Variants in C22orf31 observed in about 807,000 individuals in gnomAD.
The protein encoded by C22orf31 is chromosome 22 open reading frame 31.
A neutral mutation model predicts 15.0 loss-of-function variants in C22orf31; 11 were observed. That is an observed-to-expected ratio of 0.73 (90% CI 0.46 to 1.21). C22orf31 has a LOEUF of 1.21. C22orf31 is among the 50% of genes most tolerant of loss of function. The pLI is 0.00. For missense variants in C22orf31, 340 were observed against 347.2 expected (o/e 0.98, Z 0.17); for synonymous variants, 132 against 133.3 (o/e 0.99, Z 0.07).
chr22:29,060,870 AT>A (rs2037384353), intron 1 of C22orf31, 27 bp from the exon 2 acceptor site: 84 of 1,577,472 alleles, frequency 5.3e-5, no homozygotes, highest in Non-Finnish European at 7.1e-5. Flanking sequence ...GGAGAAATGA[AT>A]TTTAAAAGGA....
chr22:29,066,539 C>CTTTTTTTTTTTTTTTTTTT (rs134565), upstream of C22orf31, among the ~76,000 whole-genome samples: 109 of 70,230 alleles, frequency 1.6e-3, 15 homozygotes, highest in Middle Eastern at 0.011. Flanking sequence ...CTTTTCTTTT[C>CTTTTTTTTTTTTTTTTTTT]TTTTTTTTTT....
upstream of C22orf31, among the ~76,000 whole-genome samples, chr22:29,063,332 AT>A (rs973559546): frequency 6.6e-6 from 1 of 152,026 alleles, no homozygotes; most frequent in Non-Finnish European, 1.5e-5. Context: ...AGCCCAGCTA[AT>A]TTTTGTATTT....
the C22orf31 span, among the ~76,000 whole-genome samples, chr22:29,070,512 C>T: frequency 3.3e-5 from 5 of 152,216 alleles, no homozygotes; most frequent in Non-Finnish European, 5.9e-5. Flanking sequence ...TCCTCTGAAA[C>T]CTGAATGAGA....
chr22:29,063,889 C>T (rs180858158), upstream of C22orf31, among the ~76,000 whole-genome samples: 60 of 152,082 alleles, frequency 3.9e-4, 1 homozygote, highest in Admixed American at 1.8e-3. Context: ...GTTTTTGAGA[C>T]GGAGTTTCAC....
Position 29,060,755 on chromosome 22 carries a change from T to C in C22orf31, c.92A>G (p.Tyr31Cys), listed in dbSNP as rs151191121. 6.6e-5 allele frequency: 107 copies of C among 1,614,104 alleles called. No homozygotes were observed. In the African/African-American group the frequency reaches 1.1e-3, roughly 17 times the overall value. Residue 31 changes from tyrosine (Y) to cysteine (C), a missense_variant, in exon 2 of 3, where the codon TAT (tyrosine) becomes TGT (cysteine). Transcript: ENST00000216071. ...GTTGGTGAGAGCCGGTGAGTCCACATAGCAGTCCTGAAGCCTGGTATTTAA... is the reference window on the plus strand; with the variant it reads ...GTTGGTGAGAGCCGGTGAGTCCACACAGCAGTCCTGAAGCCTGGTATTTAA... ...ILLNTRLQDC[Y>C]VDSPALTNIW...
upstream of C22orf31, chr22:29,061,921 T>C (rs2037396208): frequency 1.3e-6 from 1 of 749,422 alleles, no homozygotes. Flanking sequence ...CCTGTCTTTC[T>C]CTGCCTTAGT....
chr22:29,070,919 T>C, the C22orf31 span, among the ~76,000 whole-genome samples: 1 of 152,202 alleles, frequency 6.6e-6, no homozygotes, highest in East Asian at 1.9e-4. Flanking sequence ...CCTCAGCCCT[T>C]GGCATGTTCC....
chr22:29,062,242 G>A (rs1435133310), upstream of C22orf31, among the ~76,000 whole-genome samples: 1 of 152,134 alleles, frequency 6.6e-6, no homozygotes, highest in African/African-American at 2.4e-5. Context: ...GATATGGGTA[G>A]TGAGATGCAT....
intron 1 of C22orf31, 115 bp from the exon 2 acceptor site, chr22:29,060,958 C>G: frequency 1.1e-6 from 1 of 874,128 alleles, no homozygotes; most frequent in Non-Finnish European, 1.8e-6. Context: ...TTCCTTCCAC[C>G]CAGTTCTTAG....
chr22:29,064,341 A>G (rs1302209286), upstream of C22orf31, among the ~76,000 whole-genome samples: 1 of 152,166 alleles, frequency 6.6e-6, no homozygotes, highest in African/African-American at 2.4e-5. Context: ...TCCATCTTTC[A>G]TTAGGCAAGT....
At chr22:29,061,512 C>T (rs1369115033) in intron 1 of C22orf31, among the ~76,000 whole-genome samples, 12 of 152,060 alleles carry the variant, frequency 7.9e-5, no homozygotes, top group South Asian at 2.1e-4. Flanking sequence ...ATGATCCGCC[C>T]GCCTCAGCCT....
At chr22:29,067,769 G>A in the C22orf31 span, among the ~76,000 whole-genome samples, 2 of 152,112 alleles carry the variant, frequency 1.3e-5, no homozygotes, top group African/African-American at 4.8e-5. Context: ...TAGAGACAGG[G>A]TCTGGCTTTC....
upstream of C22orf31, among the ~76,000 whole-genome samples, chr22:29,062,632 A>G (rs1468256959): frequency 2.0e-5 from 3 of 152,068 alleles, no homozygotes; most frequent in African/African-American, 4.8e-5. Flanking sequence ...GAAATGATGG[A>G]AAAACAGAGT....
upstream of C22orf31, among the ~76,000 whole-genome samples, chr22:29,066,173 T>C (rs1253222300): frequency 1.3e-5 from 2 of 152,228 alleles, no homozygotes; most frequent in Non-Finnish European, 2.9e-5. Context: ...TATTAATTCT[T>C]GTCTTCCACC....
chr22:29,063,647 C>G (rs1281189462), upstream of C22orf31, among the ~76,000 whole-genome samples: 1 of 152,182 alleles, frequency 6.6e-6, no homozygotes, highest in Non-Finnish European at 1.5e-5. Context: ...AGCTATTTCT[C>G]CTATGTCAAT....
At chr22:29,064,087 C>G (rs5762966), upstream of C22orf31, among the ~76,000 whole-genome samples, 243 of 152,282 alleles carry the variant, frequency 1.6e-3, 6 homozygotes, top group East Asian at 0.04. Context: ...AGGCTAGTCT[C>G]AAACTCTTGA....
At chr22:29,062,162 T>C (rs901765709), upstream of C22orf31, among the ~76,000 whole-genome samples, 6 of 152,194 alleles carry the variant, frequency 3.9e-5, no homozygotes, top group East Asian at 1.2e-3. Flanking sequence ...GGATGAATTT[T>C]GAAGATCTTC....
chr22:29,071,554 C>T, the C22orf31 span, among the ~76,000 whole-genome samples: 2 of 152,312 alleles, frequency 1.3e-5, no homozygotes, highest in African/African-American at 2.4e-5. Flanking sequence ...CAGATGTTCC[C>T]GCCGCCGCGC....
the C22orf31 span, among the ~76,000 whole-genome samples, chr22:29,073,863 C>T: frequency 1.3e-5 from 2 of 152,300 alleles, no homozygotes; most frequent in East Asian, 1.9e-4. The surrounding 1 kb of genome is among the most constrained non-coding windows in gnomAD (Gnocchi z 4.4). Context: ...GCCCCAAGTC[C>T]TTCATCGACG....
Sources: gnomAD v4.1 joint callset for allele counts (sites outside exome capture counted in the v4.1 genomes callset) on GRCh38, gnomAD v4.1.1 for gene constraint, Gnocchi (gnomAD v3.1) non-coding constraint, MANE v1.5 for transcripts, NCBI Gene and HGNC (gene_info 2026-07-23, HGNC 2026-07-21) for gene names.